PDLIM1: variants seen among roughly 807,000 people sequenced by gnomAD.
The protein encoded by PDLIM1 is PDZ and LIM domain 1.
In PDLIM1, 25 loss-of-function variants were observed where a neutral mutation model predicts 35.2. That is an observed-to-expected ratio of 0.71 (90% confidence interval 0.52 to 0.99). The LOEUF (loss-of-function observed/expected upper bound fraction) is 0.99. PDLIM1 is among the 50% of genes least tolerant of loss of function. The pLI is 0.00. For missense variants in PDLIM1, 363 were observed against 415.3 expected, an observed-to-expected ratio of 0.87 and a Z score of 1.09; for synonymous variants, 152 against 154.0, an observed-to-expected ratio of 0.99 and a Z score of 0.10.
chr10:95,270,394 G>T (rs1468368710), intron 2 of PDLIM1, among the ~76,000 whole-genome samples: 1 of 151,812 alleles, frequency 6.6e-6, no homozygotes, highest in Non-Finnish European at 1.5e-5. Flanking sequence ...AAGGCTCCAT[G>T]ACAAAGAGCT....
At chr10:95,273,749 G>A (rs965457470) in intron 1 of PDLIM1, among the ~76,000 whole-genome samples, 2 of 152,106 alleles carry the variant, frequency 1.3e-5, no homozygotes, top group African/African-American at 2.4e-5. Context: ...AGCACAGGCC[G>A]CTCTCATTTC....
intron 2 of PDLIM1, among the ~76,000 whole-genome samples, chr10:95,269,685 G>C (rs1371229307): frequency 6.6e-6 from 1 of 151,780 alleles, no homozygotes; most frequent in Non-Finnish European, 1.5e-5. Context: ...TAGTGTCGTT[G>C]TTTCCTCTCT....
At chr10:95,262,008 C>CAA (rs11344355) in intron 4 of PDLIM1, among the ~76,000 whole-genome samples, 1 of 120,008 alleles carries the variant, frequency 8.3e-6, no homozygotes. Context: ...AACTCCGTCT[C>CAA]AAAAAAAAAA....
chr10:95,262,062 C>T (rs2035368361), intron 4 of PDLIM1, among the ~76,000 whole-genome samples: 1 of 151,314 alleles, frequency 6.6e-6, no homozygotes, highest in Non-Finnish European at 1.5e-5. Context: ...GTGTCAGGCA[C>T]AGGGAACAGG....
In PDLIM1 at chr10:95,274,706, T is replaced by A. The variant is rs116601142; in HGVS notation, c.97-2922A>T. Among the ~76,000 whole-genome samples, 551 of 152,296 alleles carry A rather than the reference T, an allele frequency of 3.6e-3. 3 individuals are homozygous for A. Among genetic ancestry groups the A allele is most frequent in the African/African-American group, 0.012 (505 of 41,572 alleles). Reference sequence around the variant, plus strand: ...TAATGTTGAAAGGCCTACTCAGCAGTAAGGTGCATGAGGGCAGGATTTTGT... The same window carrying A: ...TAATGTTGAAAGGCCTACTCAGCAGAAAGGTGCATGAGGGCAGGATTTTGT... On this transcript the variant is annotated intron_variant, in intron 1 of 6. Transcript: ENST00000329399.
At chr10:95,263,236 C>G (rs1203955946) in intron 4 of PDLIM1, among the ~76,000 whole-genome samples, 1 of 152,090 alleles carries the variant, frequency 6.6e-6, no homozygotes, top group Non-Finnish European at 1.5e-5. Context: ...AAGGCACTTC[C>G]TCAGACACCT....
intron 1 of PDLIM1, among the ~76,000 whole-genome samples, chr10:95,289,476 G>A (rs2035632755): frequency 6.6e-6 from 1 of 152,138 alleles, no homozygotes; most frequent in Non-Finnish European, 1.5e-5. Context: ...AAACTGGCCC[G>A]CCTACTCTTT....
chr10:95,245,950 A>C (rs1043225331), intron 5 of PDLIM1, among the ~76,000 whole-genome samples: 3 of 152,210 alleles, frequency 2.0e-5, no homozygotes, highest in Non-Finnish European at 4.4e-5. Flanking sequence ...AGAGGGCACA[A>C]GCCTCTCAGC....
chr10:95,267,921 T>G (rs2035429494), intron 3 of PDLIM1, among the ~76,000 whole-genome samples: 1 of 152,188 alleles, frequency 6.6e-6, no homozygotes, highest in Non-Finnish European at 1.5e-5. Context: ...TCAACATACC[T>G]AGTTTATCAT....
intron 4 of PDLIM1, among the ~76,000 whole-genome samples, chr10:95,251,921 A>AGG (rs2035271604): frequency 6.6e-6 from 1 of 152,330 alleles, no homozygotes; most frequent in South Asian, 2.1e-4. Flanking sequence ...CATGGAGCGG[A>AGG]GGGCAGCAAC....
At chr10:95,253,133 A>G (rs970301307) in intron 4 of PDLIM1, among the ~76,000 whole-genome samples, 7 of 152,192 alleles carry the variant, frequency 4.6e-5, no homozygotes, top group Non-Finnish European at 8.8e-5. Flanking sequence ...GTAGGAGAAA[A>G]ATGACGCCTT....
intron 4 of PDLIM1, among the ~76,000 whole-genome samples, chr10:95,257,960 G>A (rs1173265334): frequency 2.0e-5 from 3 of 152,186 alleles, no homozygotes; most frequent in African/African-American, 4.8e-5. Context: ...CCAAGACTGG[G>A]CAATTTACAG....
At chr10:95,277,639 T>G (rs976053682) in intron 1 of PDLIM1, among the ~76,000 whole-genome samples, 3 of 83,762 alleles carry the variant, frequency 3.6e-5, no homozygotes, top group African/African-American at 1.2e-4. Flanking sequence ...TAAGAATGTC[T>G]AAAAATAAAA....
intron 1 of PDLIM1, among the ~76,000 whole-genome samples, chr10:95,274,632 G>A (rs1589517803): frequency 2.0e-5 from 3 of 152,172 alleles, no homozygotes; most frequent in South Asian, 2.1e-4. Context: ...TCTTCTTCAC[G>A]GCACTGGTCA....
At chr10:95,249,177 T>G (rs2035247410) in intron 4 of PDLIM1, among the ~76,000 whole-genome samples, 3 of 152,302 alleles carry the variant, frequency 2.0e-5, no homozygotes. Context: ...CACTGCAGAA[T>G]GGGTCCAGGG....
At chr10:95,287,528 TCAC>T (rs1461026458) in intron 1 of PDLIM1, among the ~76,000 whole-genome samples, 5 of 152,196 alleles carry the variant, frequency 3.3e-5, no homozygotes, top group African/African-American at 1.2e-4. Context: ...GATCTTGGCC[TCAC>T]CCTTTCCTGT....
At chr10:95,238,267 A>G (rs781768621) in intron 6 of PDLIM1, among the ~76,000 whole-genome samples, 156 bp from the exon 7 acceptor site, 2 of 152,212 alleles carry the variant, frequency 1.3e-5, no homozygotes, top group Non-Finnish European at 2.9e-5. Context: ...GCCTCCAATC[A>G]TAAGGGACTT....
At chr10:95,254,368 C>T (rs558584446) in intron 4 of PDLIM1, among the ~76,000 whole-genome samples, 1 of 152,022 alleles carries the variant, frequency 6.6e-6, no homozygotes, top group Non-Finnish European at 1.5e-5. Context: ...GATAAGTATA[C>T]CTCTGAACAA....
rs563081248 is a variant in PDLIM1, at chr10:95,268,484, C to T, written c.333+294G>A. Among the ~76,000 whole-genome samples, 37 of 152,336 alleles carry T rather than the reference C, an allele frequency of 2.4e-4. No individual in the cohort carries two copies. In the South Asian group the frequency reaches 7.7e-3, roughly 32 times the overall value. ...CGAGCTGAATAGCTCCTTGACTTCA[C>T]TGTGATCCTGCCAACCCTTCCCACG... is the stretch of plus-strand genomic sequence containing the variant. On this transcript the variant is annotated intron_variant, in intron 3 of 6. Transcript: ENST00000329399.
Sources: gnomAD v4.1 joint callset for allele counts (sites outside exome capture counted in the v4.1 genomes callset) on GRCh38, gnomAD v4.1.1 for gene constraint, MANE v1.5 for transcripts, NCBI Gene and HGNC (gene_info 2026-07-23, HGNC 2026-07-21) for gene names.